Variants in ADGRF3 observed in about 807,000 individuals in gnomAD.
ADGRF3 encodes adhesion G protein-coupled receptor F3, also known as G protein-coupled receptor 113.
Under a neutral mutation model 93.2 loss-of-function variants are expected in ADGRF3, and 85 were observed. The observed-to-expected ratio is 0.91, with a 90% CI of 0.77 to 1.09. The LOEUF is 1.09. Ranked by LOEUF, ADGRF3 falls within the 50% of genes least tolerant of loss-of-function variation. The probability of loss-of-function intolerance (pLI) is 0.00; values close to 1 mark genes in which losing one functional copy is unlikely to be tolerated. For missense variants in ADGRF3, 1,125 were observed against 1,246.2 expected, an observed-to-expected ratio of 0.90 and a Z score of 1.46; for synonymous variants, 534 against 532.5, an observed-to-expected ratio of 1.00 and a Z score of -0.04.
chr2:26,339,504 A>C (rs1004406614), intron 1 of ADGRF3, among the ~76,000 whole-genome samples: 2 of 152,166 alleles, frequency 1.3e-5, no homozygotes, highest in Admixed American at 6.5e-5. Context: ...TCAAACAAAC[A>C]AACCAACAAA....
chr2:26,328,524 G>A (rs1051326624), intron 1 of ADGRF3, among the ~76,000 whole-genome samples: 6 of 142,128 alleles, frequency 4.2e-5, no homozygotes, highest in East Asian at 2.0e-4. Flanking sequence ...TGCTATCTCC[G>A]ATCACTGCAA....
At chr2:26,341,697 T>C (rs1676405860) in intron 1 of ADGRF3, among the ~76,000 whole-genome samples, 1 of 152,274 alleles carries the variant, frequency 6.6e-6, no homozygotes, top group East Asian at 1.9e-4. Flanking sequence ...AGGGTCTCCC[T>C]ATGTTGCCCA....
chr2:26,333,692 C>T (rs1026985619), intron 1 of ADGRF3, among the ~76,000 whole-genome samples: 1 of 152,070 alleles, frequency 6.6e-6, no homozygotes, highest in Non-Finnish European at 1.5e-5. Flanking sequence ...CCACAGATGC[C>T]TTCTCTTAGC....
intron 1 of ADGRF3, among the ~76,000 whole-genome samples, chr2:26,342,247 G>C (rs764188195): frequency 6.6e-6 from 1 of 152,070 alleles, no homozygotes; most frequent in South Asian, 2.1e-4. Context: ...TATACAATTG[G>C]AACAGCCATC....
At position 26,314,492 on chromosome 2, in the gene ADGRF3, C is replaced by A. The variant is rs1375905234; in HGVS notation, c.850G>T (p.Gly284Cys). Reference sequence around the variant, plus strand: ...GGGATGCAGCAGCTCAGCTGGAAGCCAGGGGAGGTGGCACAGGAGATGGAC... The same window carrying A: ...GGGATGCAGCAGCTCAGCTGGAAGCAAGGGGAGGTGGCACAGGAGATGGAC... Reference protein sequence around the residue: ...QLSISCATSPGFQLSCCIPST... With the variant: ...QLSISCATSPCFQLSCCIPST... The change falls in exon 6 of 14, where the codon GGC becomes TGC. Residue 284 changes from glycine to cysteine, a missense_variant. Physicochemically the swap from Gly to Cys is radical, Grantham distance 159. Transcript: ENST00000651242. 1 of 1,613,938 alleles carries A rather than the reference C, an allele frequency of 6.2e-7. No individual in the cohort carries two copies. The highest frequency in any genetic ancestry group is 8.5e-7 in the Non-Finnish European group (1 of 1,179,920).
intron 1 of ADGRF3, among the ~76,000 whole-genome samples, chr2:26,324,426 C>T (rs1675329240): frequency 6.6e-6 from 1 of 151,972 alleles, no homozygotes. Context: ...GTTTGTTGTA[C>T]AGATTATTTC....
intron 5 of ADGRF3, 90 bp from the exon 6 acceptor site, chr2:26,314,713 C>G: frequency 8.1e-7 from 1 of 1,241,442 alleles, no homozygotes; most frequent in South Asian, 1.4e-5. Context: ...CAGCCTTGCT[C>G]CTGTCCTCTG....
rs748797453 is a variant in ADGRF3, at chr2:26,314,542, T to A, written c.800A>T (p.Asp267Val). 2.5e-6 allele frequency: 4 copies of A among 1,614,026 alleles called. No individual in the cohort carries two copies. The Admixed American group carries it at 6.7e-5, about 27-fold the overall frequency. ...CAGCTGGTATGGAAGTCGAGCCACA[T>A]CTGTCGCCTTCAAGGGCACCCTCAC... is the stretch of plus-strand genomic sequence containing the variant. ...EVVRVPLKAT[D>V]VARLPYQLSI... Residue 267 changes from aspartate to valine, a missense_variant, in exon 6 of 14, where the codon GAT becomes GTT. Transcript: ENST00000651242.
chr2:26,346,038 T>C, intron 1 of ADGRF3, 83 bp downstream of exon 1: 8 of 1,389,968 alleles, frequency 5.8e-6, no homozygotes, highest in Non-Finnish European at 7.8e-6. Context: ...GGGAGAAGCG[T>C]GGGCTGCGCT....
At chr2:26,330,839 C>G (rs1265035105) in intron 1 of ADGRF3, among the ~76,000 whole-genome samples, 1 of 152,096 alleles carries the variant, frequency 6.6e-6, no homozygotes, top group Non-Finnish European at 1.5e-5. Context: ...ACCACCAGTT[C>G]GGTGGTATGT....
rs1675181262 is a variant in ADGRF3 at position 26,322,075 on chromosome 2, G to C, written c.115-4513C>G. On this transcript the variant is annotated intron_variant, in intron 1 of 13. Transcript: ENST00000651242. ...CAAGGTGGGCAGATCATGAGGTCAG[G>C]AGTTCGAGACCAGCCTGGCCAAAGT... 2.0e-5 allele frequency among the ~76,000 whole-genome samples: 3 copies of C among 151,750 alleles called. No homozygotes were observed. The South Asian group carries it at 6.3e-4, about 32-fold the overall frequency.
At chr2:26,316,471 G>A (rs979706683) in intron 3 of ADGRF3, 23 bp from the exon 4 acceptor site, 1 of 1,548,004 alleles carries the variant, frequency 6.5e-7, no homozygotes, top group Non-Finnish European at 8.7e-7. Flanking sequence ...AGAGAAGAGG[G>A]GGTGGGCAGG....
At position 26,311,013 on chromosome 2, in the gene ADGRF3, G is replaced by C. The variant is rs566087671; in HGVS notation, c.2511C>G (p.Tyr837Ter). The C allele has an allele frequency of 6.2e-7, 1 of 1,612,758 alleles. No individual in the cohort carries two copies. Among genetic ancestry groups the C allele is most frequent in the Non-Finnish European group, 8.5e-7 (1 of 1,179,504 alleles). ...CCCTCAGGTATTGCCCTTGAGGTAG[G>C]TAGAGCCCCAGGGTGACACCTGCCA... is the stretch of plus-strand genomic sequence containing the variant. The part of the protein sequence containing the change: ...LGLAGVTLGL[Y>*]LPQGQYLREG... The change falls in exon 10 of 14, where the codon TAC becomes TAG. Residue 837 changes from tyrosine (Y) to a stop codon, truncating the protein, a stop_gained. Transcript: ENST00000651242. LOFTEE classifies it high-confidence loss of function.
At chr2:26,336,406 TGAC>T (rs1380078117) in intron 1 of ADGRF3, among the ~76,000 whole-genome samples, 45 of 151,472 alleles carry the variant, frequency 3.0e-4, no homozygotes, top group Non-Finnish European at 7.4e-5. Flanking sequence ...TCGGAGAGAA[TGAC>T]GACAAGAGTA....
chr2:26,311,234 G>C lies in ADGRF3; in HGVS notation c.2290C>G (p.Leu764Val), dbSNP rs763311670. 2 of 1,608,490 alleles carry C rather than the reference G, an allele frequency of 1.2e-6. No individual in the cohort carries two copies. The highest frequency in any genetic ancestry group is 1.1e-5 in the South Asian group (1 of 90,320). The change falls in exon 10 of 14, where the codon CTC (leucine) becomes GTC (valine). Residue 764 changes from leucine (L) to valine (V), a missense_variant. Coordinates refer to ENST00000651242, the MANE Select transcript of ADGRF3 (RefSeq NM_001321971.2). ...ADTCFLGAPF[L>V]SPGPRSPLCL... The stretch of plus-strand genomic sequence containing the variant: ...AGCGGGCTTCGGGGCCCTGGAGAGA[G>C]GAATGGGGCGCCCAGGAAGCAAGTG...
At position 26,340,195 on chromosome 2, in the gene ADGRF3, C is replaced by G. The variant is rs1676292944; in HGVS notation, c.114+5926G>C. ...ATTTAAAAAAAAATAGAGCCAGCTT[C>G]CATTAGAGTTCTGGTCAAACAGGCC... On this transcript the variant is annotated intron_variant, in intron 1 of 13. Coordinates refer to ENST00000651242, the MANE Select transcript of ADGRF3 (RefSeq NM_001321971.2). Among the ~76,000 whole-genome samples the G allele has an allele frequency of 2.0e-5, 3 of 152,174 alleles. No individual in the cohort carries two copies. In the South Asian group the frequency reaches 6.2e-4, roughly 32 times the overall value.
chr2:26,327,275 A>G (rs1479516075), intron 1 of ADGRF3, among the ~76,000 whole-genome samples: 2 of 152,234 alleles, frequency 1.3e-5, no homozygotes, highest in African/African-American at 4.8e-5. Flanking sequence ...GCTCCAAGGA[A>G]AAGTAAAACT....
chr2:26,339,912 C>T (rs895049243), intron 1 of ADGRF3, among the ~76,000 whole-genome samples: 2 of 152,206 alleles, frequency 1.3e-5, no homozygotes, highest in African/African-American at 2.4e-5. Context: ...CAGCACAATT[C>T]TCACATGCCT....
At position 26,311,170 on chromosome 2, in the gene ADGRF3, A is replaced by C; in HGVS notation, c.2354T>G (p.Leu785Arg). 3 of 1,597,590 alleles carry C rather than the reference A, an allele frequency of 1.9e-6. No individual in the cohort carries two copies. The highest frequency in any genetic ancestry group is 2.6e-6 in the Non-Finnish European group (3 of 1,172,518). ...CGCCAGCATCCAGAAAAAGGTGGCC[A>C]GGTAGAGGAAATGACAGAGGAAGGC... is the stretch of plus-strand genomic sequence containing the variant. ...AAAFLCHFLY[L>R]ATFFWMLAQA... The change falls in exon 10 of 14, where the codon CTG becomes CGG. Residue 785 changes from leucine (L) to arginine (R), a missense_variant. Transcript: ENST00000651242.
Sources: gnomAD v4.1 joint callset for allele counts (sites outside exome capture counted in the v4.1 genomes callset) on GRCh38, gnomAD v4.1.1 for gene constraint, MANE v1.5 for transcripts, NCBI Gene and HGNC (gene_info 2026-07-23, HGNC 2026-07-21) for gene names.